Variants in FNDC3A observed in about 807,000 individuals in gnomAD.
FNDC3A encodes fibronectin type-III domain-containing protein 3A.
In FNDC3A, 32 loss-of-function variants were observed where a neutral mutation model predicts 148.9. The observed-to-expected ratio is 0.21, with a 90% confidence interval of 0.16 to 0.29. The LOEUF is 0.29. Ranked by LOEUF, FNDC3A falls within the 10% of genes least tolerant of loss-of-function variation. The pLI, the probability that FNDC3A is intolerant of heterozygous loss-of-function variation, is 1.00. For synonymous variants in FNDC3A, 472 were observed against 473.6 expected (o/e 1.00, Z 0.04); for missense variants, 1,191 against 1,452.8 (o/e 0.82, Z 2.93).
chr13:49,071,925 C>T (rs774478209), intron 2 of FNDC3A, among the ~76,000 whole-genome samples: 7 of 152,148 alleles, frequency 4.6e-5, no homozygotes, highest in Non-Finnish European at 8.8e-5. Context: ...GATTCTCCTG[C>T]CTCAGCTTCC....
chr13:49,152,013 A>G (rs1191191872), intron 8 of FNDC3A, among the ~76,000 whole-genome samples: 1 of 152,250 alleles, frequency 6.6e-6, no homozygotes, highest in African/African-American at 2.4e-5. Context: ...AGTCCTTGCT[A>G]TTGTGAATAG....
At chr13:49,191,409 T>TA in intron 19 of FNDC3A, 25 bp downstream of exon 19, 1 of 1,529,080 alleles carries the variant, frequency 6.5e-7, no homozygotes, top group Non-Finnish European at 8.8e-7. Flanking sequence ...CTGGTAGAAT[T>TA]ATAATCACAA....
At chr13:49,110,014 C>G (rs1306227862) in intron 3 of FNDC3A, among the ~76,000 whole-genome samples, 1 of 152,020 alleles carries the variant, frequency 6.6e-6, no homozygotes, top group Admixed American at 6.6e-5. Context: ...GAAGATAGCA[C>G]CTGTGGTGTT....
At chr13:48,981,316 C>T (rs1951690604) in intron 1 of FNDC3A, among the ~76,000 whole-genome samples, 1 of 151,974 alleles carries the variant, frequency 6.6e-6, no homozygotes, top group South Asian at 2.1e-4. Context: ...GGGTTAGTTT[C>T]TTGCAATCTT....
chr13:49,039,616 T>C (rs760146207), intron 2 of FNDC3A, among the ~76,000 whole-genome samples: 6 of 152,254 alleles, frequency 3.9e-5, no homozygotes, highest in Non-Finnish European at 8.8e-5. Context: ...TAGTCATATT[T>C]TGCTGTATTT....
At chr13:49,056,973 AT>A (rs1295414821) in intron 2 of FNDC3A, among the ~76,000 whole-genome samples, 20 of 152,234 alleles carry the variant, frequency 1.3e-4, no homozygotes, top group African/African-American at 4.6e-4. Context: ...CATGATTTAT[AT>A]TTTGATATTG....
At position 49,100,115 on chromosome 13, in the gene FNDC3A, A is replaced by C. The variant is rs768959104; in HGVS notation, c.176-14540A>C. Among the ~76,000 whole-genome samples, 4 of 152,142 alleles carry C rather than the reference A, an allele frequency of 2.6e-5. No individual in the cohort carries two copies. In the East Asian group the frequency reaches 7.7e-4, roughly 29 times the overall value. On this transcript the variant is annotated intron_variant, in intron 3 of 25. Coordinates refer to ENST00000492622, the MANE Select transcript of FNDC3A (RefSeq NM_001079673.2). The stretch of plus-strand genomic sequence containing the variant: ...TATACTAAGAATAATTGTTCCATTT[A>C]TATTACTCCAATATTCAGATACTCA...
chr13:49,144,131 A>T (rs567297662), intron 7 of FNDC3A, among the ~76,000 whole-genome samples: 1 of 152,144 alleles, frequency 6.6e-6, no homozygotes, highest in Non-Finnish European at 1.5e-5. Flanking sequence ...CACAACTATT[A>T]TCATCCCATA....
chr13:49,168,643 A>G lies in FNDC3A; in HGVS notation c.1068A>G (p.Gly356=), dbSNP rs775567849. 2 of 1,610,954 alleles carry G rather than the reference A, an allele frequency of 1.2e-6. No homozygotes were observed. Among genetic ancestry groups the G allele is most frequent in the South Asian group, 2.2e-5 (2 of 91,018 alleles). ...AGGCAGAATATAATTCTATAAAGGG[A>G]ACTCCTTCAGAGGCTGAAATCTTTA... ...KVQAEYNSIK[G]TPSEAEIFTT... Residue 356 remains glycine, a synonymous_variant, in exon 10 of 26, where the codon GGA becomes GGG. Coordinates refer to ENST00000492622, the MANE Select transcript of FNDC3A (RefSeq NM_001079673.2).
At chr13:49,186,686 G>A (rs1224627738) in intron 15 of FNDC3A, among the ~76,000 whole-genome samples, 1 of 152,042 alleles carries the variant, frequency 6.6e-6, no homozygotes, top group African/African-American at 2.4e-5. Context: ...TGGCCAACAT[G>A]GTGAAACCCC....
intron 2 of FNDC3A, among the ~76,000 whole-genome samples, chr13:49,050,086 C>G (rs191923650): frequency 6.6e-6 from 1 of 152,148 alleles, no homozygotes; most frequent in African/African-American, 2.4e-5. Flanking sequence ...TTCAAAGAAC[C>G]AGCTTTTTGT....
chr13:49,088,091 T>A (rs1256017782), intron 3 of FNDC3A, among the ~76,000 whole-genome samples: 2 of 152,172 alleles, frequency 1.3e-5, no homozygotes, highest in African/African-American at 4.8e-5. Flanking sequence ...AATAGACATA[T>A]TATCTTTATG....
chr13:49,106,073 AG>A (rs1259659637), intron 3 of FNDC3A, among the ~76,000 whole-genome samples: 1 of 152,152 alleles, frequency 6.6e-6, no homozygotes, highest in East Asian at 1.9e-4. Flanking sequence ...GTCCTTGTTA[AG>A]TCTTAAACAT....
At chr13:49,085,271 C>CATT (rs1236186135) in intron 3 of FNDC3A, among the ~76,000 whole-genome samples, 1 of 152,208 alleles carries the variant, frequency 6.6e-6, no homozygotes, top group African/African-American at 2.4e-5. Flanking sequence ...GCCTCTATCC[C>CATT]ATTAATCACA....
Position 49,201,953 on chromosome 13 carries a change from A to G in FNDC3A, c.3141A>G (p.Pro1047=). The change falls in exon 24 of 26, where the codon CCA becomes CCG. Residue 1047 remains proline, a synonymous_variant. Coordinates refer to ENST00000492622, the MANE Select transcript of FNDC3A (RefSeq NM_001079673.2). ...TTTTCACTACTCCAAAATCTGTCCC[A>G]GCTGCCTTGAAAGGTAAGTTATACA... ...EYIFTTPKSV[P]AALKAPKIEK... 6.4e-7 allele frequency: 1 copy of G among 1,561,982 alleles called. No individual in the cohort carries two copies. The highest frequency in any genetic ancestry group is 2.3e-5 in the East Asian group (1 of 42,624).
At chr13:49,149,963 T>G (rs1411896226) in intron 8 of FNDC3A, among the ~76,000 whole-genome samples, 1 of 152,208 alleles carries the variant, frequency 6.6e-6, no homozygotes, top group East Asian at 1.9e-4. Context: ...TTTTTCAGTT[T>G]GTTGGTGTAG....
At chr13:49,014,042 A>G (rs1436222351) in intron 2 of FNDC3A, among the ~76,000 whole-genome samples, 3 of 145,818 alleles carry the variant, frequency 2.1e-5, no homozygotes, top group Middle Eastern at 3.4e-3. Flanking sequence ...ATTGTGAATA[A>G]TGCCGCAGTA....
At chr13:49,095,122 A>G (rs1879439165) in intron 3 of FNDC3A, among the ~76,000 whole-genome samples, 1 of 151,998 alleles carries the variant, frequency 6.6e-6, no homozygotes, top group African/African-American at 2.4e-5. Context: ...GTTTAGTCCA[A>G]CTTTATTTAA....
At chr13:49,084,629 A>AG (rs1878687077) in intron 3 of FNDC3A, among the ~76,000 whole-genome samples, 1 of 152,130 alleles carries the variant, frequency 6.6e-6, no homozygotes, top group African/African-American at 2.4e-5. Context: ...GTTTTCTGAG[A>AG]GGTATCACCT....
Sources: gnomAD v4.1 joint callset for allele counts (sites outside exome capture counted in the v4.1 genomes callset) on GRCh38, gnomAD v4.1.1 for gene constraint, MANE v1.5 for transcripts, NCBI Gene and HGNC (gene_info 2026-07-23, HGNC 2026-07-21) for gene names.